CD244: variants seen among roughly 807,000 people sequenced by gnomAD.
CD244 encodes the protein CD244 molecule.
A neutral mutation model predicts 45.5 loss-of-function variants in CD244; 20 were observed. The observed-to-expected ratio is 0.44, with a 90% CI of 0.31 to 0.64. The LOEUF (loss-of-function observed/expected upper bound fraction) is 0.64, where lower values mean the gene tolerates loss of function less well. CD244 is among the 30% of genes least tolerant of loss of function. The probability of loss-of-function intolerance (pLI) is 0.08; values close to 1 mark genes in which losing one functional copy is unlikely to be tolerated. For missense variants in CD244, 407 were observed against 426.9 expected (o/e 0.95, Z 0.41); for synonymous variants, 185 against 160.5 (o/e 1.15, Z -1.15).
chr1:160,853,808 AG>A (rs1275875347), intron 1 of CD244, among the ~76,000 whole-genome samples: 187 of 126,898 alleles, frequency 1.5e-3, no homozygotes, highest in African/African-American at 4.7e-3. Flanking sequence ...AAAAAAAAAA[AG>A]TGAAAAAGGA....
chr1:160,861,717 A>G (rs987194911), intron 1 of CD244, among the ~76,000 whole-genome samples: 1 of 151,926 alleles, frequency 6.6e-6, no homozygotes, highest in African/African-American at 2.4e-5. Context: ...CACGTCTGTA[A>G]TTTCACCTAC....
intron 1 of CD244, 84 bp downstream of exon 1, chr1:160,862,533 C>T: frequency 2.4e-6 from 3 of 1,238,252 alleles, no homozygotes; most frequent in South Asian, 1.3e-5. Flanking sequence ...GTATGTGGCA[C>T]AAGCAGAGGC....
rs1669438520 is a variant in CD244, at chr1:160,839,027, C to CAA, written c.676_677dup (p.Leu226PhefsTer3). Reference sequence around the variant, plus strand: ...GTGCGCTTAGAATCACGATGATCACCAAAAACGGCCAAAATCTGAATTCTG... The same window carrying CAA: ...GTGCGCTTAGAATCACGATGATCACCAAAAAAACGGCCAAAATCTGAATTCTG... On this transcript the variant is annotated frameshift_variant, in exon 4 of 9. Transcript: ENST00000368034. LOFTEE classifies it high-confidence loss of function. 4 of 1,613,572 alleles carry CAA rather than the reference C, an allele frequency of 2.5e-6. No individual in the cohort carries two copies. The East Asian group carries it at 8.9e-5, about 36-fold the overall frequency.
chr1:160,849,283 C>CTTTT (rs371170555), intron 1 of CD244, among the ~76,000 whole-genome samples: 22,086 of 138,920 alleles, frequency 0.16, 1,857 homozygotes, highest in Non-Finnish European at 0.22. Flanking sequence ...CCATCTCTTT[C>CTTTT]TTTTTTTTTT....
chr1:160,860,901 A>G (rs776852690), intron 1 of CD244, among the ~76,000 whole-genome samples: 3 of 152,208 alleles, frequency 2.0e-5, no homozygotes, highest in Middle Eastern at 6.3e-3. Context: ...GAAGCAGCTC[A>G]GGAAGACCCA....
chr1:160,836,517 CTT>C (rs944745054), intron 5 of CD244, among the ~76,000 whole-genome samples: 2 of 152,200 alleles, frequency 1.3e-5, no homozygotes, highest in African/African-American at 4.8e-5. Context: ...AATGCTGTCA[CTT>C]TCTTTCCTTT....
At chr1:160,845,534 A>C (rs899240123) in intron 1 of CD244, among the ~76,000 whole-genome samples, 1 of 152,220 alleles carries the variant, frequency 6.6e-6, no homozygotes, top group Non-Finnish European at 1.5e-5. Flanking sequence ...GATTTGTAAA[A>C]TGTGTTACAA....
chr1:160,851,793 T>C (rs1432685021), intron 1 of CD244, among the ~76,000 whole-genome samples: 1 of 152,188 alleles, frequency 6.6e-6, no homozygotes, highest in African/African-American at 2.4e-5. Context: ...TCCACCCGCC[T>C]TGGCCTCCCA....
intron 1 of CD244, among the ~76,000 whole-genome samples, chr1:160,862,300 A>G (rs1670339113): frequency 6.6e-6 from 1 of 152,158 alleles, no homozygotes; most frequent in African/African-American, 2.4e-5. Context: ...TGCAATTTTC[A>G]TCATCTTTAC....
In CD244 at chr1:160,858,354, G is replaced by A. The variant is rs1281114595; in HGVS notation, c.61+4263C>T. 2.0e-5 allele frequency among the ~76,000 whole-genome samples: 3 copies of A among 152,114 alleles called. No homozygotes were observed. In the East Asian group the frequency reaches 5.8e-4, roughly 29 times the overall value. On this transcript the variant is annotated intron_variant, in intron 1 of 8. Coordinates refer to ENST00000368034, the MANE Select transcript of CD244 (RefSeq NM_016382.4). ...AAGTGACAGTTCCAACACAATCTAC[G>A]CAAACAGCTGGCAACCCTTGGAGCT...
At chr1:160,852,882 G>A (rs995182110) in intron 1 of CD244, among the ~76,000 whole-genome samples, 3 of 152,034 alleles carry the variant, frequency 2.0e-5, no homozygotes, top group African/African-American at 7.2e-5. Context: ...AATTAGCTGG[G>A]CGTGGCAGTG....
chr1:160,848,325 A>C, intron 1 of CD244: 1 of 593,148 alleles, frequency 1.7e-6, no homozygotes, highest in Non-Finnish European at 3.2e-6. Flanking sequence ...GCTGGACCCA[A>C]CACAAATAGT....
At chr1:160,849,710 T>C (rs975482159) in intron 1 of CD244, among the ~76,000 whole-genome samples, 5 of 152,200 alleles carry the variant, frequency 3.3e-5, no homozygotes, top group Non-Finnish European at 7.4e-5. Context: ...AGGAAAATAG[T>C]CAAAGGGAAT....
chr1:160,841,793 A>C lies in CD244; in HGVS notation c.170T>G (p.Leu57Arg). 1.9e-6 allele frequency: 3 copies of C among 1,614,202 alleles called. No homozygotes were observed. The highest frequency in any genetic ancestry group is 2.5e-6 in the Non-Finnish European group (3 of 1,180,012). ...GTGATGAAATCCATTTTGTGAGGGC[A>C]GCAACTTCTTCCATGCAATGCTGTC... ...KVDSIAWKKL[L>R]PSQNGFHHIL... Residue 57 changes from leucine to arginine, a missense_variant, in exon 2 of 9, where the codon CTG (leucine) becomes CGG (arginine). Leu to Arg is a moderately radical substitution (Grantham distance 102, BLOSUM62 -2). Transcript: ENST00000368034.
chr1:160,850,440 G>T (rs1441413889), intron 1 of CD244, among the ~76,000 whole-genome samples: 1 of 152,052 alleles, frequency 6.6e-6, no homozygotes. Flanking sequence ...AAAAATTATT[G>T]CAGGTTATTT....
chr1:160,844,088 C>T (rs1419911998), intron 1 of CD244, among the ~76,000 whole-genome samples: 1 of 152,218 alleles, frequency 6.6e-6, no homozygotes, highest in Non-Finnish European at 1.5e-5. Context: ...AACTAATGAT[C>T]TGGAATCTCT....
At chr1:160,862,069 G>A (rs11265499) in intron 1 of CD244, among the ~76,000 whole-genome samples, 47,500 of 151,658 alleles carry the variant, frequency 0.31, 9,423 homozygotes, top group African/African-American at 0.56. Context: ...CCCCAACCCT[G>A]CATGTCCCTA....
At chr1:160,839,542 A>G (rs1046548353) in intron 3 of CD244, among the ~76,000 whole-genome samples, 1 of 152,224 alleles carries the variant, frequency 6.6e-6, no homozygotes, top group African/African-American at 2.4e-5. Flanking sequence ...TTTCCTTGTC[A>G]TTATTCCCTA....
At chr1:160,832,813 A>C in intron 7 of CD244, 1 of 707,584 alleles carries the variant, frequency 1.4e-6, no homozygotes, top group Non-Finnish European at 2.3e-6. Flanking sequence ...CAAAATCAGA[A>C]TTTGCTGTTC....
Sources: gnomAD v4.1 joint callset for allele counts (sites outside exome capture counted in the v4.1 genomes callset) on GRCh38, gnomAD v4.1.1 for gene constraint, MANE v1.5 for transcripts, NCBI Gene and HGNC (gene_info 2026-07-23, HGNC 2026-07-21) for gene names.